CCNB1IP1: variants seen among roughly 807,000 people sequenced by gnomAD.
CCNB1IP1 encodes the protein E3 ubiquitin-protein ligase CCNB1IP1.
CCNB1IP1 carries 14 observed loss-of-function variants against 25.6 expected under a neutral mutation model. The observed-to-expected ratio is 0.55, with a 90% confidence interval of 0.36 to 0.85. CCNB1IP1 has a LOEUF of 0.85. CCNB1IP1 is among the 40% of genes least tolerant of loss of function. The probability of loss-of-function intolerance (pLI) is 0.01; values close to 1 mark genes in which losing one functional copy is unlikely to be tolerated. For synonymous variants in CCNB1IP1, 119 were observed against 116.1 expected (o/e 1.02, Z -0.16); for missense variants, 278 against 342.4 (o/e 0.81, Z 1.48).
intron 1 of CCNB1IP1, among the ~76,000 whole-genome samples, chr14:20,332,458 T>C (rs933122154): frequency 6.6e-6 from 1 of 152,168 alleles, no homozygotes; most frequent in African/African-American, 2.4e-5. Flanking sequence ...TAAGTACTGC[T>C]TACTTCTAAA....
chr14:20,311,388 C>CTTTA lies in CCNB1IP1; in HGVS notation c.*158_*161dup. ...CAGTCTGTAAAGTTAGCTAAATTAT[C>CTTTA]TTTATTTTTTTTTAGAAACAGGGTC... On this transcript the variant is annotated 3_prime_UTR_variant, in exon 7 of 7. Transcript: ENST00000358932. 1 of 478,530 alleles carries CTTTA rather than the reference C, an allele frequency of 2.1e-6. No homozygotes were observed. The highest frequency in any genetic ancestry group is 3.8e-6 in the Non-Finnish European group (1 of 265,556). The allele number at this position is 478,530 out of a possible 1,614,324, so 29.6% of individuals were successfully genotyped here.
At chr14:20,326,572 A>G (rs750372026) in intron 3 of CCNB1IP1, 144 bp downstream of exon 3, 1 of 529,040 alleles carries the variant, frequency 1.9e-6, no homozygotes, top group South Asian at 1.4e-5. Context: ...CCTCATCCCT[A>G]AACAGGAAAA....
chr14:20,313,453 C>G lies in CCNB1IP1; in HGVS notation c.631+15G>C, dbSNP rs746419028. On this transcript the variant is annotated intron_variant, in intron 6 of 6. Transcript: ENST00000358932. ...TGATTTAAAGAACAGACACTTGATA[C>G]ATGTCCTTTCTTACCTAATGGGAAG... is the stretch of plus-strand genomic sequence containing the variant. 6.5e-7 allele frequency: 1 copy of G among 1,548,950 alleles called. No homozygotes were observed.
At chr14:20,330,346 G>C (rs529826183) in intron 1 of CCNB1IP1, among the ~76,000 whole-genome samples, 1 of 152,234 alleles carries the variant, frequency 6.6e-6, no homozygotes, top group South Asian at 2.1e-4. Context: ...AGGAGGAAAA[G>C]AGAGAGAGGG....
intron 5 of CCNB1IP1, chr14:20,315,744 A>T (rs1882669132): frequency 8.2e-7 from 1 of 1,221,246 alleles, no homozygotes; most frequent in Non-Finnish European, 1.1e-6. Flanking sequence ...TGATTATAGA[A>T]TAGTTAACTA....
rs75758311 is a variant in CCNB1IP1 at position 20,330,250 on chromosome 14, G to T, written c.-430-877C>A. On this transcript the variant is annotated intron_variant, in intron 1 of 6. Transcript: ENST00000358932. ...CTTATAAGTGGGAGCTAAATCTTGC[G>T]TTGGGAGCTAAATCTTGCGTAGGGA... Among the ~76,000 whole-genome samples the T allele has an allele frequency of 4.8e-3, 733 of 152,142 alleles. 9 individuals are homozygous for T. The highest frequency in any genetic ancestry group is 0.017 in the African/African-American group (690 of 41,500).
At chr14:20,324,325 T>A (rs1882996274) in intron 4 of CCNB1IP1, among the ~76,000 whole-genome samples, 1 of 152,156 alleles carries the variant, frequency 6.6e-6, no homozygotes, top group Non-Finnish European at 1.5e-5. Context: ...TAGCTGGGAT[T>A]ACAGGTGCAC....
chr14:20,332,487 C>T (rs1413970102), intron 1 of CCNB1IP1, among the ~76,000 whole-genome samples: 1 of 152,128 alleles, frequency 6.6e-6, no homozygotes, highest in Non-Finnish European at 1.5e-5. Context: ...ACATTTATTA[C>T]ACACCAACTA....
rs538048514 is a variant in CCNB1IP1 at position 20,316,700 on chromosome 14, T to C, written c.-37-140A>G. The C allele has an allele frequency of 6.0e-5, 34 of 570,934 alleles. 1 individual carries two copies. The highest frequency in any genetic ancestry group is 4.5e-4 in the African/African-American group (24 of 53,788). The allele number at this position is 570,934 out of a possible 1,614,324, so 35.4% of individuals were successfully genotyped here. A position where few individuals can be genotyped will look rare whatever the true frequency, so the allele number is the denominator to read the frequency against. On this transcript the variant is annotated intron_variant, in intron 4 of 6. Coordinates refer to ENST00000358932, the MANE Select transcript of CCNB1IP1 (RefSeq NM_021178.5). ...CCTTGTATTTATTATAATTGATATA[T>C]TGATTTCAGTTACTCAATAATATTA...
At chr14:20,319,215 C>T (rs771650033) in intron 4 of CCNB1IP1, 2 of 152,356 alleles carry the variant, frequency 1.3e-5, no homozygotes, top group Non-Finnish European at 2.9e-5. Context: ...AAACAAAAAA[C>T]TGTCAAAAAC....
intron 5 of CCNB1IP1, chr14:20,315,997 T>C (rs908121772): frequency 1.7e-5 from 9 of 519,150 alleles, no homozygotes; most frequent in Non-Finnish European, 3.1e-5. Flanking sequence ...TGTGTGTGTA[T>C]ACCCAAAATA....
At chr14:20,323,834 C>T (rs1413886582) in intron 4 of CCNB1IP1, among the ~76,000 whole-genome samples, 9 of 144,742 alleles carry the variant, frequency 6.2e-5, no homozygotes, top group African/African-American at 1.8e-4. Flanking sequence ...AGGAGAATGG[C>T]GTGAACCTGG....
intron 1 of CCNB1IP1, among the ~76,000 whole-genome samples, chr14:20,331,393 C>G (rs1390217188): frequency 6.6e-6 from 1 of 152,186 alleles, no homozygotes; most frequent in Non-Finnish European, 1.5e-5. Flanking sequence ...AGATGATTTT[C>G]CTTTCGGTAG....
chr14:20,317,311 C>CA (rs765668761), intron 4 of CCNB1IP1, among the ~76,000 whole-genome samples: 1 of 151,990 alleles, frequency 6.6e-6, no homozygotes, highest in Non-Finnish European at 1.5e-5. Flanking sequence ...GAGGCTGAGG[C>CA]AGGAGACTCG....
At chr14:20,328,605 A>C (rs1414509370) in intron 2 of CCNB1IP1, among the ~76,000 whole-genome samples, 4 of 152,186 alleles carry the variant, frequency 2.6e-5, no homozygotes, top group Admixed American at 6.5e-5. Context: ...ATTAAAAAAA[A>C]AACTACTTGA....
chr14:20,329,032 A>T (rs1344135748), intron 2 of CCNB1IP1, 142 bp downstream of exon 2: 1 of 152,224 alleles, frequency 6.6e-6, no homozygotes, highest in Non-Finnish European at 1.5e-5. Context: ...ATTGATACTA[A>T]ATCAGCAGAT....
At chr14:20,315,450 G>A in intron 5 of CCNB1IP1, 1 of 1,071,876 alleles carries the variant, frequency 9.3e-7, no homozygotes, top group Non-Finnish European at 1.1e-6. Flanking sequence ...CAAAGGAGTT[G>A]AAAAATAGAG....
Position 20,313,617 on chromosome 14 carries a change from G to C in CCNB1IP1, c.482C>G (p.Ser161Cys). ...ACGATTGCGCTCCATAAGTTTCTCA[G>C]AGATGTCACTGAACTTTTTCTTGTA... ...EEYKKKFSDISEKLMERNRQY... is the reference protein window; with the variant it reads ...EEYKKKFSDICEKLMERNRQY... The change falls in exon 6 of 7, where the codon TCT (serine) becomes TGT (cysteine). Residue 161 changes from serine (S) to cysteine (C), a missense_variant. Ser to Cys is a moderately radical substitution (Grantham distance 112). Transcript: ENST00000358932. The C allele has an allele frequency of 1.2e-6, 2 of 1,614,206 alleles. No individual in the cohort carries two copies. The highest frequency in any genetic ancestry group is 1.7e-6 in the Non-Finnish European group (2 of 1,180,038).
At chr14:20,312,181 G>A (rs879178905) in intron 6 of CCNB1IP1, among the ~76,000 whole-genome samples, 3 of 152,104 alleles carry the variant, frequency 2.0e-5, no homozygotes, top group Admixed American at 2.0e-4. Context: ...ACAAAAAGAG[G>A]AATGGGAAAG....
Sources: allele counts gnomAD v4.1 joint callset (sites outside exome capture counted in the v4.1 genomes callset), GRCh38; gene constraint gnomAD v4.1.1; transcripts MANE v1.5; gene names NCBI Gene and HGNC (gene_info 2026-07-23, HGNC 2026-07-21).